INF2: variants seen among roughly 807,000 people sequenced by gnomAD.
INF2 encodes inverted formin-2.
INF2 carries 43 observed loss-of-function variants against 123.5 expected under a neutral mutation model. That is an observed-to-expected ratio of 0.35 (90% CI 0.27 to 0.45). INF2 has a LOEUF of 0.45. INF2 is among the 20% of genes least tolerant of loss of function. The probability of loss-of-function intolerance (pLI) is 1.00; values close to 1 mark genes in which losing one functional copy is unlikely to be tolerated. For synonymous variants in INF2, 851 were observed against 745.0 expected (o/e 1.14, Z -2.32); for missense variants, 1,453 against 1,682.7 (o/e 0.86, Z 2.39).
At chr14:104,717,244 C>T (rs1472100486) in intron 22 of INF2, among the ~76,000 whole-genome samples, 9 of 142,586 alleles carry the variant, frequency 6.3e-5, no homozygotes, top group Non-Finnish European at 1.4e-4. Flanking sequence ...GGGTGCGCTG[C>T]CGTCCTCCCA....
At chr14:104,689,443 G>A (rs1180009084), upstream of INF2, among the ~76,000 whole-genome samples, 1 of 152,090 alleles carries the variant, frequency 6.6e-6, no homozygotes, top group East Asian at 1.9e-4. Context: ...ATTCACGGGA[G>A]TGGGGAGACC....
rs1464865475 is a variant in INF2 at position 104,699,870 on chromosome 14, C to T, written c.-9-1487C>T. Among the ~76,000 whole-genome samples the T allele has an allele frequency of 6.6e-6, 1 of 152,162 alleles. No individual in the cohort carries two copies. The highest frequency in any genetic ancestry group is 1.5e-5 in the Non-Finnish European group (1 of 68,010). ...GGGCTGGGGACATGCAGATCAGAAC[C>T]CTGGCTTACACCTGTCAGGCTGCCT... On this transcript the variant is annotated intron_variant, in intron 1 of 22. Coordinates refer to ENST00000392634, the MANE Select transcript of INF2 (RefSeq NM_022489.4). This position sits in a 1 kb window ranked among gnomAD's most constrained non-coding sequence, Gnocchi z 4.7.
chr14:104,707,653 C>G lies in INF2; in HGVS notation c.1386C>G (p.Pro462=). Residue 462 remains proline (P), a synonymous_variant, in exon 8 of 23, where the codon CCC becomes CCG. Transcript: ENST00000392634. ...TCCCAACAGCACCCCCGCCCCCACC[C>G]CTGCCAGGCCTGGGGGCCATGGCCC... ...KALPTAPPPP[P]LPGLGAMAPP... is the part of the protein sequence containing the mutation. 1 of 1,022,920 alleles carries G rather than the reference C, an allele frequency of 9.8e-7. No individual in the cohort carries two copies. Among genetic ancestry groups the G allele is most frequent in the Non-Finnish European group, 1.4e-6 (1 of 699,450 alleles). 63.4% of individuals were successfully genotyped at this position (1,022,920 alleles called of 1,614,324 possible).
chr14:104,689,194 G>C, upstream of INF2: 2 of 985,366 alleles, frequency 2.0e-6, no homozygotes, highest in Non-Finnish European at 2.4e-6. Context: ...CGAACGCGGG[G>C]ACTCCGGATC....
At position 104,707,985 on chromosome 14, in the gene INF2, C is replaced by A; in HGVS notation, c.1718C>A (p.Pro573Gln). Residue 573 changes from proline (P) to glutamine (Q), a missense_variant, in exon 8 of 23, where the codon CCA (proline) becomes CAA (glutamine). By Grantham distance (76) the Pro-to-Gln change is moderately conservative. This residue lies in a region of INF2 where 192 missense variants were observed against 274.4 expected (regional missense o/e 0.70). Transcript: ENST00000392634. ...AAGAAGCTGAACTGGCAGAAGCTGC[C>A]ATCCAACGTGGCACGTGGTGAGGGT... The part of the protein sequence containing the change: ...RMKKLNWQKL[P>Q]SNVAREHNSM... The A allele has an allele frequency of 6.3e-7, 1 of 1,598,266 alleles. No homozygotes were observed. The highest frequency in any genetic ancestry group is 8.5e-7 in the Non-Finnish European group (1 of 1,179,730).
chr14:104,698,405 C>T (rs981346534), intron 1 of INF2, among the ~76,000 whole-genome samples: 1 of 152,228 alleles, frequency 6.6e-6, no homozygotes, highest in Non-Finnish European at 1.5e-5. Flanking sequence ...CCGCCACCCG[C>T]GTTTAGCAGA....
intron 1 of INF2, among the ~76,000 whole-genome samples, chr14:104,692,939 A>C (rs568194562): frequency 1.3e-5 from 2 of 152,346 alleles, no homozygotes; most frequent in South Asian, 4.1e-4. Context: ...CTGTGCCCTC[A>C]GTTCACTCCT....
chr14:104,701,335 G>A, intron 1 of INF2, 22 bp from the exon 2 acceptor site: 1 of 1,553,136 alleles, frequency 6.4e-7, no homozygotes, highest in Non-Finnish European at 8.7e-7. Flanking sequence ...CCCGCTGACG[G>A]CTCCCTGCCC....
chr14:104,695,446 C>T (rs1414812721), intron 1 of INF2, among the ~76,000 whole-genome samples: 4 of 152,272 alleles, frequency 2.6e-5, no homozygotes, highest in Admixed American at 2.6e-4. Context: ...CTGTAGAAGG[C>T]CCATTCGGTG....
chr14:104,712,766 C>T, intron 17 of INF2, 62 bp from the exon 18 acceptor site: 3 of 1,527,790 alleles, frequency 2.0e-6, no homozygotes. Context: ...CAACTCAGGG[C>T]CTCACCCCGG....
intron 5 of INF2, chr14:104,704,421 C>T (rs1296083334): frequency 4.6e-6 from 1 of 219,230 alleles, no homozygotes; most frequent in Non-Finnish European, 9.2e-6. Flanking sequence ...TCCCCAACCG[C>T]CAGGCTGCGG....
intron 1 of INF2, chr14:104,690,638 G>A (rs923118105): frequency 6.6e-6 from 1 of 152,370 alleles, no homozygotes; most frequent in African/African-American, 2.4e-5. Context: ...AGAAGGCGCT[G>A]GACGTAGGAA....
intron 17 of INF2, 35 bp from the exon 18 acceptor site, chr14:104,712,793 G>A (rs1380271150): frequency 6.3e-7 from 1 of 1,579,754 alleles, no homozygotes; most frequent in African/African-American, 1.3e-5. Context: ...CCCGCGCGGG[G>A]CTCTCACGGG....
In INF2 at chr14:104,714,712, G is replaced by C; in HGVS notation, c.3550G>C (p.Ala1184Pro). The change falls in exon 21 of 23, where the codon GCA (alanine) becomes CCA (proline). Residue 1184 changes from alanine (A) to proline (P), a missense_variant. Coordinates refer to ENST00000392634, the MANE Select transcript of INF2 (RefSeq NM_022489.4). ...EDEEDTAPES[A>P]LDTSLDKSFS... ...CGAGGAGGACACGGCCCCAGAGTCC[G>C]CACTGGACACATCCCTGGACAAGTC... 1 of 1,609,142 alleles carries C rather than the reference G, an allele frequency of 6.2e-7. No individual in the cohort carries two copies. The highest frequency in any genetic ancestry group is 8.5e-7 in the Non-Finnish European group (1 of 1,177,528).
chr14:104,712,953 C>A lies in INF2; in HGVS notation c.2736C>A (p.Thr912=), dbSNP rs891493964. The A allele has an allele frequency of 6.2e-7, 1 of 1,612,560 alleles. No individual in the cohort carries two copies. The highest frequency in any genetic ancestry group is 8.5e-7 in the Non-Finnish European group (1 of 1,179,818). ...TGTCCCTGGAGGACACGTTCAGCAC[C>A]ATGAAGGCTTTCCGGGACCTTTTCC... ...QQLSLEDTFS[T]MKAFRDLFLR... The change falls in exon 18 of 23, where the codon ACC becomes ACA. Residue 912 remains threonine, a synonymous_variant. Coordinates refer to ENST00000392634, the MANE Select transcript of INF2 (RefSeq NM_022489.4).
At chr14:104,717,967 G>T (rs569755415) in intron 22 of INF2, among the ~76,000 whole-genome samples, 32 of 152,342 alleles carry the variant, frequency 2.1e-4, no homozygotes, top group Admixed American at 1.8e-3. Flanking sequence ...ACCAGCGGGG[G>T]CCCTGAGCGC....
In INF2 at chr14:104,713,300, G is replaced by A. The variant is rs984879135; in HGVS notation, c.2869G>A (p.Gly957Arg). 8.4e-6 allele frequency: 13 copies of A among 1,550,534 alleles called. No homozygotes were observed. The highest frequency in any genetic ancestry group is 4.9e-5 in the East Asian group (2 of 40,998). The change falls in exon 19 of 23, where the codon GGG (glycine) becomes AGG (arginine). Residue 957 changes from glycine (G) to arginine (R), a missense_variant. Physicochemically the swap from Gly to Arg is moderately radical, Grantham distance 125 (BLOSUM62 -2). Transcript: ENST00000392634. ...EEARRPRGEDGKPVRKGPGKQ... is the reference protein window; with the variant it reads ...EEARRPRGEDRKPVRKGPGKQ... ...GGCGCGGCGGCCTCGGGGAGAGGAC[G>A]GGAAGCCTGGTGAGGCTGGGCCGGC...
chr14:104,715,296 A>AT lies in INF2; in HGVS notation c.3709dup (p.Ser1237PhefsTer2). The AT allele has an allele frequency of 6.2e-7, 1 of 1,613,640 alleles. No homozygotes were observed. Among genetic ancestry groups the AT allele is most frequent in the Non-Finnish European group, 8.5e-7 (1 of 1,179,788 alleles). ...TATTTGGAAGCAGAGGTTCCCCCTGATTCTGATGATAATAAAACAAAGAAA... is the reference window on the plus strand; with the variant it reads ...TATTTGGAAGCAGAGGTTCCCCCTGATTTCTGATGATAATAAAACAAAGAAA... On this transcript the variant is annotated frameshift_variant, in exon 22 of 23. Transcript: ENST00000392634. LOFTEE classifies it high-confidence loss of function.
At chr14:104,702,779 G>A (rs1252307388) in intron 2 of INF2, among the ~76,000 whole-genome samples, 1 of 152,222 alleles carries the variant, frequency 6.6e-6, no homozygotes, top group African/African-American at 2.4e-5. Context: ...GGAGGCAGGG[G>A]TTCATAGGAA....
Sources: allele counts gnomAD v4.1 joint callset (sites outside exome capture counted in the v4.1 genomes callset), GRCh38; gene constraint gnomAD v4.1.1; regional missense constraint gnomAD v4.1.1; non-coding constraint Gnocchi (gnomAD v3.1); transcripts MANE v1.5; gene names NCBI Gene and HGNC (gene_info 2026-07-23, HGNC 2026-07-21).